Variants in MARF1 observed in about 807,000 individuals in gnomAD.
MARF1 encodes limkain-b1.
In MARF1, 24 loss-of-function variants were observed where a neutral mutation model predicts 168.2. The ratio of observed to expected loss-of-function variants is 0.14; its 90% confidence interval spans 0.10 to 0.20. MARF1 has a LOEUF of 0.20. Among genes scored for constraint, MARF1 ranks in the 10% least tolerant of loss-of-function variants. The pLI is 1.00. For synonymous variants in MARF1, 868 were observed against 822.4 expected, an observed-to-expected ratio of 1.06 and a Z score of -0.95; for missense variants, 1,744 against 2,143.6, an observed-to-expected ratio of 0.81 and a Z score of 3.68.
chr16:15,597,808 A>C (rs534176498), intron 26 of MARF1, among the ~76,000 whole-genome samples: 24 of 151,824 alleles, frequency 1.6e-4, no homozygotes, highest in Non-Finnish European at 3.1e-4. Context: ...CCCACAAACG[A>C]GCTAACATCA....
rs372782087 is a variant in MARF1 at position 15,600,456 on chromosome 16, C to T, written c.4785G>A (p.Ser1595=). The T allele has an allele frequency of 1.2e-5, 20 of 1,614,146 alleles. No homozygotes were observed. Among genetic ancestry groups the T allele is most frequent in the East Asian group, 1.1e-4 (5 of 44,878 alleles). Reference sequence around the variant, plus strand: ...TGCCGTCAGCTCCAAGCTTGAGTTCCGAGGCTGTGTGCGATTCGGGCACCT... The same window carrying T: ...TGCCGTCAGCTCCAAGCTTGAGTTCTGAGGCTGTGTGCGATTCGGGCACCT... ...ILEVPESHTA[S]ELKLGADGSG... The change falls in exon 25 of 27, where the codon TCG becomes TCA. Residue 1595 remains serine, a synonymous_variant. Transcript: ENST00000396368.
intron 12 of MARF1, among the ~76,000 whole-genome samples, chr16:15,621,029 T>C (rs1026583013): frequency 6.6e-6 from 1 of 152,212 alleles, no homozygotes; most frequent in African/African-American, 2.4e-5. Flanking sequence ...ATGGTTTTTT[T>C]TCCCCTGCTT....
chr16:15,613,585 C>T (rs2033765942), intron 16 of MARF1, among the ~76,000 whole-genome samples: 1 of 151,504 alleles, frequency 6.6e-6, no homozygotes, highest in Non-Finnish European at 1.5e-5. Context: ...TGGCATGAAC[C>T]CAGGAGGTGG....
chr16:15,634,706 G>A (rs1184339618), intron 4 of MARF1, 51 bp downstream of exon 4: 1 of 1,525,666 alleles, frequency 6.6e-7, no homozygotes, highest in Non-Finnish European at 9.0e-7. Context: ...GTTAGTATGA[G>A]ATATTGAAAG....
chr16:15,606,377 G>A (rs2033015713), intron 21 of MARF1, among the ~76,000 whole-genome samples: 1 of 152,002 alleles, frequency 6.6e-6, no homozygotes, highest in Non-Finnish European at 1.5e-5. Context: ...ACCGACACCT[G>A]CATAGCCACA....
At chr16:15,641,074 A>T (rs564848018) in intron 1 of MARF1, among the ~76,000 whole-genome samples, 1 of 152,304 alleles carries the variant, frequency 6.6e-6, no homozygotes, top group African/African-American at 2.4e-5. Flanking sequence ...CAGCGTGGGC[A>T]ACAGAGTGAG....
chr16:15,631,085 G>A (rs1349376279), intron 6 of MARF1, among the ~76,000 whole-genome samples: 1 of 152,094 alleles, frequency 6.6e-6, no homozygotes, highest in African/African-American at 2.4e-5. Flanking sequence ...AGCCGAGATT[G>A]CGCCATCGCA....
chr16:15,604,091 C>A (rs895474126), intron 22 of MARF1, 77 bp downstream of exon 22: 6 of 1,145,630 alleles, frequency 5.2e-6, no homozygotes, highest in South Asian at 1.4e-5. Flanking sequence ...ACACTCTAAT[C>A]TAGACCATCA....
At chr16:15,601,046 C>T (rs1421036116) in intron 23 of MARF1, 3 of 553,076 alleles carry the variant, frequency 5.4e-6, no homozygotes, top group Non-Finnish European at 1.0e-5. Context: ...AGAAACTGAA[C>T]AACCACCTAA....
At chr16:15,611,297 A>G (rs1336190424) in intron 18 of MARF1, among the ~76,000 whole-genome samples, 189 bp from the exon 19 acceptor site, 8 of 152,110 alleles carry the variant, frequency 5.3e-5, no homozygotes, top group African/African-American at 1.9e-4. Flanking sequence ...TCTCTACTAA[A>G]AAATAGAAAA....
At chr16:15,604,529 G>C in intron 21 of MARF1, 131 bp from the exon 22 acceptor site, 1 of 641,140 alleles carries the variant, frequency 1.6e-6, no homozygotes, top group Non-Finnish European at 2.7e-6. Flanking sequence ...CTCTTACACT[G>C]AAATAAAGCA....
intron 13 of MARF1, among the ~76,000 whole-genome samples, chr16:15,617,962 C>T (rs2034187630): frequency 6.6e-6 from 1 of 152,208 alleles, no homozygotes; most frequent in African/African-American, 2.4e-5. Flanking sequence ...TCCACACACC[C>T]TCTGACACTG....
At chr16:15,612,901 T>G in intron 16 of MARF1, 124 bp from the exon 17 acceptor site, 1 of 712,216 alleles carries the variant, frequency 1.4e-6, no homozygotes. Context: ...CCAAATACAG[T>G]AGCTGCTTTA....
At chr16:15,597,412 G>T (rs546437503) in intron 26 of MARF1, among the ~76,000 whole-genome samples, 32 of 152,136 alleles carry the variant, frequency 2.1e-4, no homozygotes, top group African/African-American at 7.7e-4. Flanking sequence ...GTCTATTACC[G>T]GGGATAAGGA....
In MARF1 at chr16:15,625,553, T is replaced by G; in HGVS notation, c.1772A>C (p.Glu591Ala). The G allele has an allele frequency of 6.2e-7, 1 of 1,614,160 alleles. No homozygotes were observed. The highest frequency in any genetic ancestry group is 8.5e-7 in the Non-Finnish European group (1 of 1,179,986). ...SFTPKNRELC[E>A]TKSSNAIADK... ...AGCAATTGCATTTGAACTCTTTGTT[T>G]CACAGAGTTCTCTATTTTTTGGAGT... Residue 591 changes from glutamate (E) to alanine (A), a missense_variant, in exon 8 of 27, where the codon GAA (glutamate) becomes GCA (alanine). Coordinates refer to ENST00000396368, the MANE Select transcript of MARF1 (RefSeq NM_014647.4).
At chr16:15,636,498 A>G (rs971033085) in intron 2 of MARF1, among the ~76,000 whole-genome samples, 156 bp from the exon 3 acceptor site, 1 of 152,252 alleles carries the variant, frequency 6.6e-6, no homozygotes, top group African/African-American at 2.4e-5. Flanking sequence ...AGTTAAAACC[A>G]GGAACATTCT....
intron 26 of MARF1, among the ~76,000 whole-genome samples, chr16:15,597,901 G>T (rs1433509757): frequency 6.6e-6 from 1 of 152,202 alleles, no homozygotes; most frequent in Non-Finnish European, 1.5e-5. Context: ...CTATCCGCAG[G>T]CAGTTACTTC....
rs1419919770 is a variant in MARF1 at position 15,595,387 on chromosome 16, C to G, written c.*1306G>C. 2.6e-5 allele frequency: 4 copies of G among 152,614 alleles called. No individual in the cohort carries two copies. Among genetic ancestry groups the G allele is most frequent in the Non-Finnish European group, 5.9e-5 (4 of 68,034 alleles). The allele number at this position is 152,614 out of a possible 1,614,324, so 9.5% of individuals were successfully genotyped here. On this transcript the variant is annotated 3_prime_UTR_variant, in exon 27 of 27. Coordinates refer to ENST00000396368, the MANE Select transcript of MARF1 (RefSeq NM_014647.4). ...TAAACATTTCCCCAAAAGAAACCAT[C>G]TAACTAGTGGAAGACCTTACGCCAA... is the stretch of plus-strand genomic sequence containing the variant.
At chr16:15,610,140 G>T (rs1462287823) in intron 19 of MARF1, among the ~76,000 whole-genome samples, 1 of 152,052 alleles carries the variant, frequency 6.6e-6, no homozygotes, top group African/African-American at 2.4e-5. Context: ...TTATTCATCT[G>T]ATCTTCAGTT....
Sources: gnomAD v4.1 joint callset for allele counts (sites outside exome capture counted in the v4.1 genomes callset) on GRCh38, gnomAD v4.1.1 for gene constraint, MANE v1.5 for transcripts, NCBI Gene and HGNC (gene_info 2026-07-23, HGNC 2026-07-21) for gene names.